The following ADGRB3 variants were observed in gnomAD, a reference collection of about 807,000 sequenced individuals.
ADGRB3 encodes brain-specific angiogenesis inhibitor 3.
Under a neutral mutation model 193.4 loss-of-function variants are expected in ADGRB3, and 37 were observed. The observed-to-expected ratio is 0.19, with a 90% CI of 0.15 to 0.25. ADGRB3 has a LOEUF of 0.25. Among genes scored for constraint, ADGRB3 ranks in the 10% least tolerant of loss-of-function variants. The probability of loss-of-function intolerance (pLI) is 1.00; values close to 1 mark genes in which losing one functional copy is unlikely to be tolerated. For synonymous variants in ADGRB3, 690 were observed against 644.2 expected, an observed-to-expected ratio of 1.07 and a Z score of -1.08; for missense variants, 1,637 against 1,852.9, an observed-to-expected ratio of 0.88 and a Z score of 2.14.
rs1562042267 is a variant in ADGRB3 at position 68,817,305 on chromosome 6, ATGTATATATATATATATAT to A, written c.758-113253_758-113235del. Among the ~76,000 whole-genome samples the A allele has an allele frequency of 3.2e-3, 138 of 43,484 alleles. 3 individuals are homozygous for A. Among genetic ancestry groups the A allele is most frequent in the African/African-American group, 8.7e-3 (103 of 11,782 alleles). The allele number at this position is 43,484 out of a possible 152,430, so 28.5% of individuals were successfully genotyped here. A position where few individuals can be genotyped will look rare whatever the true frequency, so the allele number is the denominator to read the frequency against. On this transcript the variant is annotated intron_variant, in intron 3 of 31. Transcript: ENST00000370598. ...AGGTATTTATTATTCCCTTTTGTCCATGTATATATATATATATATATATATATATATATATATATATATA... is the reference window on the plus strand; with the variant it reads ...AGGTATTTATTATTCCCTTTTGTCCAATATATATATATATATATATATATA...
chr6:68,814,309 G>T (rs1222211539), intron 3 of ADGRB3, among the ~76,000 whole-genome samples: 2 of 152,190 alleles, frequency 1.3e-5, no homozygotes, highest in African/African-American at 2.4e-5. Flanking sequence ...GATGGCCAGT[G>T]ATGATGAGCA....
At chr6:69,364,799 A>G (rs1304904703) in intron 29 of ADGRB3, among the ~76,000 whole-genome samples, 28 of 152,120 alleles carry the variant, frequency 1.8e-4, no homozygotes, top group Non-Finnish European at 8.8e-5. Context: ...TCAATTAATG[A>G]ACAAAATGTG....
chr6:69,007,693 T>TCTCA (rs1232770873), intron 11 of ADGRB3, among the ~76,000 whole-genome samples: 28 of 90,168 alleles, frequency 3.1e-4, no homozygotes, highest in African/African-American at 8.8e-4. Context: ...TCTCTCTCTC[T>TCTCA]CACACACACA....
At chr6:69,078,110 C>G (rs1772284883) in intron 17 of ADGRB3, among the ~76,000 whole-genome samples, 1 of 152,014 alleles carries the variant, frequency 6.6e-6, no homozygotes, top group Middle Eastern at 3.4e-3. Flanking sequence ...AGAGATACTG[C>G]TACTTCTTTT....
At chr6:68,737,455 A>G (rs1215974614) in intron 3 of ADGRB3, among the ~76,000 whole-genome samples, 2 of 152,152 alleles carry the variant, frequency 1.3e-5, no homozygotes, top group East Asian at 1.9e-4. Flanking sequence ...TTTCTCAATA[A>G]TAAGTGTTTT....
Position 69,235,101 on chromosome 6 carries a change from A to T in ADGRB3, c.2677A>T (p.Ile893Phe). Residue 893 changes from isoleucine to phenylalanine, a missense_variant, in exon 19 of 32, where the codon ATT becomes TTT. Around this residue, in one of 7 missense-constraint regions of ADGRB3, gnomAD observed 641 missense variants for 673.9 expected, o/e 0.95. Coordinates refer to ENST00000370598, the MANE Select transcript of ADGRB3 (RefSeq NM_001704.3). ...CAGTGGTCTTTCTTGCTTGGCCTTG[A>T]TTACCCTAGCAGTTGTCTATGCAGC... ...VGSGLSCLALITLAVVYAALW... is the reference protein window; with the variant it reads ...VGSGLSCLALFTLAVVYAALW... 1 of 1,612,648 alleles carries T rather than the reference A, an allele frequency of 6.2e-7. No homozygotes were observed. The highest frequency in any genetic ancestry group is 8.5e-7 in the Non-Finnish European group (1 of 1,178,780).
At chr6:68,995,993 A>G (rs1202051250) in intron 11 of ADGRB3, among the ~76,000 whole-genome samples, 1 of 152,116 alleles carries the variant, frequency 6.6e-6, no homozygotes, top group Non-Finnish European at 1.5e-5. Context: ...CTGGTTTATA[A>G]TCTTCATCAA....
At chr6:69,217,424 A>G (rs923768710) in intron 17 of ADGRB3, among the ~76,000 whole-genome samples, 1 of 152,228 alleles carries the variant, frequency 6.6e-6, no homozygotes, top group South Asian at 2.1e-4. Context: ...TAGGCAACAT[A>G]GAATAAAACT....
chr6:69,129,059 T>G (rs780109363), intron 17 of ADGRB3, among the ~76,000 whole-genome samples: 20 of 152,292 alleles, frequency 1.3e-4, no homozygotes, highest in Non-Finnish European at 2.4e-4. Context: ...CACTAGAATG[T>G]AAATTGCTTT....
At chr6:69,089,889 G>C (rs925050769) in intron 17 of ADGRB3, among the ~76,000 whole-genome samples, 1 of 152,170 alleles carries the variant, frequency 6.6e-6, no homozygotes. Flanking sequence ...CCAAATGTTC[G>C]TGAGGGTGGG....
chr6:69,232,523 G>T (rs1283118284), intron 17 of ADGRB3: 1 of 1,535,646 alleles, frequency 6.5e-7, no homozygotes, highest in East Asian at 2.4e-5. Context: ...CGGACTTGGG[G>T]TTAGCTTAAT....
intron 20 of ADGRB3, among the ~76,000 whole-genome samples, chr6:69,319,645 C>T (rs1768401386): frequency 6.6e-6 from 1 of 151,336 alleles, no homozygotes; most frequent in South Asian, 2.1e-4. Context: ...TGTGTTCCTT[C>T]TGTATCTTCT....
chr6:69,335,695 C>T lies in ADGRB3; in HGVS notation c.3188+2687C>T, dbSNP rs373091072. Among the ~76,000 whole-genome samples the T allele has an allele frequency of 7.1e-4, 108 of 152,120 alleles. 2 individuals carry two copies. Among genetic ancestry groups the T allele is most frequent in the Middle Eastern group, 6.8e-3 (2 of 294 alleles). On this transcript the variant is annotated intron_variant, in intron 24 of 31. Transcript: ENST00000370598. ...GTGAAGAAGAAATAATCAAAATTAA[C>T]TAAAGAAACATTAAGCAGGAAACTA...
chr6:68,937,571 A>G (rs1290598463), intron 5 of ADGRB3, among the ~76,000 whole-genome samples: 1 of 152,142 alleles, frequency 6.6e-6, no homozygotes, highest in African/African-American at 2.4e-5. Context: ...GACCTCCAAA[A>G]GGGGATGGGT....
intron 15 of ADGRB3, among the ~76,000 whole-genome samples, chr6:69,061,210 T>A (rs1314055504): frequency 1.3e-5 from 2 of 152,084 alleles, no homozygotes; most frequent in African/African-American, 4.8e-5. Flanking sequence ...TAAAAAAGTG[T>A]CATTTGACAT....
chr6:69,254,954 G>A (rs1020871245), intron 20 of ADGRB3, among the ~76,000 whole-genome samples: 2 of 148,020 alleles, frequency 1.4e-5, no homozygotes, highest in African/African-American at 5.0e-5. Flanking sequence ...GAGAACATGT[G>A]GTGTTTGGTT....
intron 3 of ADGRB3, among the ~76,000 whole-genome samples, chr6:68,879,453 C>G (rs1166436260): frequency 6.6e-6 from 1 of 151,966 alleles, no homozygotes; most frequent in Non-Finnish European, 1.5e-5. Flanking sequence ...TGGTTTCGAT[C>G]TCCTGACCTC....
intron 3 of ADGRB3, among the ~76,000 whole-genome samples, chr6:68,643,470 C>T (rs769976629): frequency 2.8e-4 from 21 of 75,456 alleles, no homozygotes; most frequent in Non-Finnish European, 4.2e-4. Flanking sequence ...TCGTATGTCA[C>T]TGCCAGGATG....
intron 3 of ADGRB3, among the ~76,000 whole-genome samples, chr6:68,921,258 T>C (rs1767036240): frequency 1.3e-5 from 2 of 152,202 alleles, no homozygotes; most frequent in African/African-American, 4.8e-5. Flanking sequence ...ATATATGTTA[T>C]GTAAAAGATA....
Sources: gnomAD v4.1 joint callset for allele counts (sites outside exome capture counted in the v4.1 genomes callset) on GRCh38, gnomAD v4.1.1 for gene constraint, gnomAD v4.1.1 regional missense constraint, MANE v1.5 for transcripts, NCBI Gene and HGNC (gene_info 2026-07-23, HGNC 2026-07-21) for gene names.